The following SEMA3A variants were observed in gnomAD, a reference collection of about 807,000 sequenced individuals.
SEMA3A encodes the protein semaphorin 3A.
SEMA3A carries 29 observed loss-of-function variants against 97.9 expected under a neutral mutation model. The ratio of observed to expected loss-of-function variants is 0.30; its 90% confidence interval spans 0.22 to 0.40. The LOEUF is 0.40. Ranked by LOEUF, SEMA3A falls within the 10% of genes least tolerant of loss-of-function variation. The pLI, the probability that SEMA3A is intolerant of heterozygous loss-of-function variation, is 1.00. For synonymous variants in SEMA3A, 321 were observed against 323.7 expected, an observed-to-expected ratio of 0.99 and a Z score of 0.09; for missense variants, 763 against 951.3, an observed-to-expected ratio of 0.80 and a Z score of 2.60.
At chr7:84,370,800 T>C (rs924158876) in intron 2 of SEMA3A, among the ~76,000 whole-genome samples, 5 of 151,592 alleles carry the variant, frequency 3.3e-5, no homozygotes, top group African/African-American at 1.2e-4. Context: ...AGACATACAA[T>C]GGTAATTACA....
intron 6 of SEMA3A, among the ~76,000 whole-genome samples, chr7:84,034,394 A>G (rs529624388): frequency 6.6e-6 from 1 of 152,332 alleles, no homozygotes; most frequent in Non-Finnish European, 1.5e-5. Context: ...TAACATGATA[A>G]AATTAATTTC....
In SEMA3A at chr7:84,352,434, C is replaced by A. The variant is rs144228217; in HGVS notation, c.-169+19390G>T. 7.3e-3 allele frequency among the ~76,000 whole-genome samples: 1,110 copies of A among 151,422 alleles called. 17 individuals carry two copies. The highest frequency in any genetic ancestry group is 0.041 in the Admixed American group (628 of 15,138). On this transcript the variant is annotated intron_variant, in intron 2 of 3. Transcript: ENST00000424555. ...GGATAAATGCTTGAGGTCATAGATACCCCATTTACCTTGATGTGATTATTA... is the reference window on the plus strand; with the variant it reads ...GGATAAATGCTTGAGGTCATAGATAACCCATTTACCTTGATGTGATTATTA...
intron 12 of SEMA3A, among the ~76,000 whole-genome samples, chr7:83,989,852 C>A (rs1313446085): frequency 1.3e-5 from 2 of 150,550 alleles, no homozygotes; most frequent in Non-Finnish European, 1.5e-5. Context: ...ATGGCTGGGT[C>A]AAATGGTATT....
chr7:84,351,147 T>C (rs1411432623), intron 2 of SEMA3A, among the ~76,000 whole-genome samples: 4 of 151,862 alleles, frequency 2.6e-5, no homozygotes, highest in Admixed American at 2.0e-4. Context: ...ATCAGAAGCT[T>C]GTAGAGGGCA....
At chr7:84,310,619 G>T (rs1386997485) in intron 2 of SEMA3A, among the ~76,000 whole-genome samples, 1 of 152,000 alleles carries the variant, frequency 6.6e-6, no homozygotes, top group Non-Finnish European at 1.5e-5. Flanking sequence ...CAAATCTGAT[G>T]TCTGCTAGTT....
chr7:84,148,382 GGATGGA>G (rs1315600178), intron 1 of SEMA3A, among the ~76,000 whole-genome samples: 5 of 152,116 alleles, frequency 3.3e-5, no homozygotes, highest in Non-Finnish European at 5.9e-5. Flanking sequence ...CCGTGCGGAA[GGATGGA>G]AGGAGATGGG....
At chr7:84,049,361 G>A (rs73187476) in intron 5 of SEMA3A, among the ~76,000 whole-genome samples, 7,522 of 151,996 alleles carry the variant, frequency 0.049, 310 homozygotes, top group East Asian at 0.21. Context: ...TCCTGGTGAG[G>A]GTTCTATGGG....
chr7:84,427,421 G>T (rs1182385050), intron 1 of SEMA3A, among the ~76,000 whole-genome samples: 2 of 151,874 alleles, frequency 1.3e-5, no homozygotes, highest in Admixed American at 6.6e-5. Context: ...GGCTGAGGCG[G>T]GTAGATCACA....
chr7:84,369,505 G>T (rs16887706), intron 2 of SEMA3A, among the ~76,000 whole-genome samples: 1 of 150,882 alleles, frequency 6.6e-6, no homozygotes, highest in Admixed American at 6.6e-5. Flanking sequence ...GACTTGGTAC[G>T]AAAGAAGAAT....
intron 15 of SEMA3A, among the ~76,000 whole-genome samples, chr7:83,970,101 A>G (rs908705985): frequency 1.3e-5 from 2 of 152,206 alleles, no homozygotes; most frequent in African/African-American, 4.8e-5. Flanking sequence ...GAACAAAATA[A>G]TTGAGAGCAA....
chr7:84,089,429 C>A (rs1331132050), intron 4 of SEMA3A, among the ~76,000 whole-genome samples: 1 of 151,852 alleles, frequency 6.6e-6, no homozygotes, highest in Non-Finnish European at 1.5e-5. Flanking sequence ...TGAATAAATA[C>A]CATATGGTAA....
intron 1 of SEMA3A, among the ~76,000 whole-genome samples, chr7:84,454,530 C>T (rs1006347027): frequency 5.3e-5 from 8 of 152,030 alleles, no homozygotes; most frequent in African/African-American, 1.9e-4. Flanking sequence ...CTTTAAATAT[C>T]ATTTTAAAAT....
intron 4 of SEMA3A, among the ~76,000 whole-genome samples, chr7:84,066,188 G>C (rs1384985765): frequency 6.6e-6 from 1 of 151,964 alleles, no homozygotes; most frequent in East Asian, 1.9e-4. Context: ...TATCGCAATA[G>C]ATGCAGAAAA....
intron 6 of SEMA3A, among the ~76,000 whole-genome samples, chr7:84,040,759 GTA>G (rs777123133): frequency 3.9e-5 from 6 of 151,996 alleles, no homozygotes; most frequent in Non-Finnish European, 5.9e-5. Flanking sequence ...GAGGAAATTG[GTA>G]TAGACAGGCT....
At chr7:84,073,081 A>C (rs1238026797) in intron 4 of SEMA3A, among the ~76,000 whole-genome samples, 1 of 152,204 alleles carries the variant, frequency 6.6e-6, no homozygotes, top group Non-Finnish European at 1.5e-5. Flanking sequence ...ATTTTATTTT[A>C]GTGTACTTAT....
intron 5 of SEMA3A, among the ~76,000 whole-genome samples, chr7:84,046,758 C>T (rs1240872446): frequency 6.6e-6 from 1 of 151,886 alleles, no homozygotes; most frequent in Non-Finnish European, 1.5e-5. Context: ...CTACTATGAC[C>T]ACTGACAAAC....
chr7:84,431,622 GT>G (rs35720658), intron 1 of SEMA3A, among the ~76,000 whole-genome samples: 92 of 148,408 alleles, frequency 6.2e-4, no homozygotes, highest in East Asian at 1.6e-3. Context: ...AAAAATCAGA[GT>G]TTTTTTTTTA....
intron 4 of SEMA3A, among the ~76,000 whole-genome samples, chr7:84,095,358 C>CACACATATATATATATATAT (rs1211794166): frequency 2.0e-4 from 24 of 122,900 alleles, no homozygotes; most frequent in East Asian, 6.7e-4. Context: ...TTTTTATATA[C>CACACATATATATATATATAT]ATATATATAT....
At chr7:84,429,022 A>G (rs1215334025) in intron 1 of SEMA3A, among the ~76,000 whole-genome samples, 2 of 152,080 alleles carry the variant, frequency 1.3e-5, no homozygotes. Flanking sequence ...GGTGAAGTGG[A>G]AAACCAGAGC....
Sources: gnomAD v4.1 joint callset for allele counts (sites outside exome capture counted in the v4.1 genomes callset) on GRCh38, gnomAD v4.1.1 for gene constraint, MANE v1.5 for transcripts, NCBI Gene and HGNC (gene_info 2026-07-23, HGNC 2026-07-21) for gene names.